PITPNC1: variants seen among roughly 807,000 people sequenced by gnomAD.
The protein encoded by PITPNC1 is cytoplasmic phosphatidylinositol transfer protein 1.
Under a neutral mutation model 44.7 loss-of-function variants are expected in PITPNC1, and 18 were observed. The ratio of observed to expected loss-of-function variants is 0.40; its 90% CI spans 0.28 to 0.60. The LOEUF (loss-of-function observed/expected upper bound fraction) is 0.60. Among genes scored for constraint, PITPNC1 ranks in the 20% least tolerant of loss-of-function variants. The probability of loss-of-function intolerance (pLI) is 0.39; values close to 1 mark genes in which losing one functional copy is unlikely to be tolerated. For synonymous variants in PITPNC1, 141 were observed against 149.6 expected (o/e 0.94, Z 0.42); for missense variants, 290 against 418.4 (o/e 0.69, Z 2.68).
chr17:67,527,500 C>T (rs989732427), intron 1 of PITPNC1, among the ~76,000 whole-genome samples: 9 of 151,558 alleles, frequency 5.9e-5, no homozygotes, highest in African/African-American at 2.2e-4. Flanking sequence ...GTCAGGAGTT[C>T]GAGACCAGCC....
chr17:67,490,112 CTGTGTGTGTGTGTGTGTGTGTG>C lies in PITPNC1; in HGVS notation c.49-42662_49-42641del, dbSNP rs71354073. 3.0e-3 allele frequency among the ~76,000 whole-genome samples: 431 copies of C among 144,974 alleles called. 1 individual carries two copies. The highest frequency in any genetic ancestry group is 5.0e-3 in the Non-Finnish European group (330 of 66,368). On this transcript the variant is annotated intron_variant, in intron 1 of 8. Coordinates refer to ENST00000581322, the MANE Select transcript of PITPNC1 (RefSeq NM_012417.4). ...TTTAAAGATTTGGAAACAGGCTTTT[CTGTGTGTGTGTGTGTGTGTGTG>C]TGTGTGTGTGTGTGTGTGTGTGTGT...
chr17:67,521,954 G>C (rs1489255193), intron 1 of PITPNC1, among the ~76,000 whole-genome samples: 1 of 152,134 alleles, frequency 6.6e-6, no homozygotes, highest in African/African-American at 2.4e-5. Context: ...CACGCAGTCA[G>C]TACCTCGTTG....
At chr17:67,425,215 A>AGGG (rs1567984805) in intron 1 of PITPNC1, among the ~76,000 whole-genome samples, 7 of 49,468 alleles carry the variant, frequency 1.4e-4, no homozygotes, top group Non-Finnish European at 2.9e-4. Context: ...ACACACACAC[A>AGGG]CACACACACA....
chr17:67,415,282 A>G (rs1458208878), intron 1 of PITPNC1, among the ~76,000 whole-genome samples: 2 of 152,204 alleles, frequency 1.3e-5, no homozygotes, highest in African/African-American at 4.8e-5. Flanking sequence ...ATTACCAGGA[A>G]AGGTTTTTCT....
intron 1 of PITPNC1, among the ~76,000 whole-genome samples, chr17:67,488,944 A>T (rs2039822686): frequency 6.6e-6 from 1 of 152,210 alleles, no homozygotes; most frequent in Admixed American, 6.5e-5. Flanking sequence ...TCAGGAGTGA[A>T]TAATATTCCA....
chr17:67,456,392 T>A (rs961000133), intron 1 of PITPNC1, among the ~76,000 whole-genome samples: 3 of 152,224 alleles, frequency 2.0e-5, no homozygotes, highest in Non-Finnish European at 4.4e-5. Flanking sequence ...ACCTGTTTTT[T>A]AACCAGCTAT....
At chr17:67,433,555 A>T (rs909153896) in intron 1 of PITPNC1, among the ~76,000 whole-genome samples, 7 of 152,116 alleles carry the variant, frequency 4.6e-5, no homozygotes, top group Non-Finnish European at 7.4e-5. Flanking sequence ...CCTGGGCAAC[A>T]TAGGGAGAGT....
chr17:67,566,415 G>C (rs1159001191), intron 4 of PITPNC1, among the ~76,000 whole-genome samples: 1 of 152,160 alleles, frequency 6.6e-6, no homozygotes, highest in East Asian at 1.9e-4. Flanking sequence ...TGTTGGCCAG[G>C]CTGGTCACAA....
rs79432840 is a variant in PITPNC1, at chr17:67,658,802, A to G, written c.463-10706A>G. Among the ~76,000 whole-genome samples the G allele has an allele frequency of 5.5e-3, 837 of 151,084 alleles. 8 individuals are homozygous for G. Among genetic ancestry groups the G allele is most frequent in the African/African-American group, 0.019 (795 of 41,126 alleles). ...CTATCCTTTACTTACTCAGTTGCTT[A>G]CCCAAGCAGGAAGACCTCCACTTAG... On this transcript the variant is annotated intron_variant, in intron 6 of 8. Transcript: ENST00000581322.
intron 5 of PITPNC1, among the ~76,000 whole-genome samples, chr17:67,581,418 C>T (rs1410093130): frequency 2.6e-5 from 4 of 152,234 alleles, no homozygotes; most frequent in African/African-American, 9.6e-5. Flanking sequence ...CTCCCTCTCC[C>T]CAGAATGTGG....
At position 67,565,939 on chromosome 17, in the gene PITPNC1, A is replaced by G. The variant is rs1173317642; in HGVS notation, c.295-12247A>G. ...TCGTTTTCCATGTTTTTCGATGTGT[A>G]TACTAGTTTTTCCATGTATTTCAGT... On this transcript the variant is annotated intron_variant, in intron 4 of 8. Transcript: ENST00000581322. Among the ~76,000 whole-genome samples, 13 of 150,490 alleles carry G rather than the reference A, an allele frequency of 8.6e-5. No individual in the cohort carries two copies. In the East Asian group the frequency reaches 2.6e-3, roughly 30 times the overall value.
At chr17:67,400,593 G>A (rs1037912980) in intron 1 of PITPNC1, among the ~76,000 whole-genome samples, 3 of 152,012 alleles carry the variant, frequency 2.0e-5, no homozygotes, top group African/African-American at 7.2e-5. Flanking sequence ...CTGATTTCCT[G>A]TAGTAACACA....
At chr17:67,585,136 AC>A (rs777381303) in intron 5 of PITPNC1, among the ~76,000 whole-genome samples, 67 of 148,018 alleles carry the variant, frequency 4.5e-4, no homozygotes, top group Non-Finnish European at 6.9e-4. Flanking sequence ...AAAAAAAAAA[AC>A]CAGACAAACC....
chr17:67,510,547 C>T (rs967965243), intron 1 of PITPNC1, among the ~76,000 whole-genome samples: 2 of 152,230 alleles, frequency 1.3e-5, no homozygotes, highest in Admixed American at 1.3e-4. Context: ...GCGCCCTTGA[C>T]CGCCTCGGCC....
chr17:67,472,820 C>T (rs9902184), intron 1 of PITPNC1, among the ~76,000 whole-genome samples: 3 of 151,660 alleles, frequency 2.0e-5, no homozygotes, highest in Non-Finnish European at 4.4e-5. Flanking sequence ...CTGCCTCCTA[C>T]AGGGAGGGGT....
intron 5 of PITPNC1, among the ~76,000 whole-genome samples, chr17:67,607,832 G>T (rs994895623): frequency 6.6e-6 from 1 of 151,298 alleles, no homozygotes; most frequent in African/African-American, 2.4e-5. Context: ...GGGTTCAAGC[G>T]ATTCTCCTGC....
At chr17:67,617,671 T>C (rs1182180623) in intron 5 of PITPNC1, among the ~76,000 whole-genome samples, 1 of 152,182 alleles carries the variant, frequency 6.6e-6, no homozygotes. Flanking sequence ...GATCCCTCCT[T>C]GCCTCTTCCA....
At chr17:67,485,370 ATTTTTTT>A (rs56863875) in intron 1 of PITPNC1, among the ~76,000 whole-genome samples, 11 of 122,178 alleles carry the variant, frequency 9.0e-5, no homozygotes, top group Admixed American at 4.1e-4. Flanking sequence ...TAGTTGGGTG[ATTTTTTT>A]TTTTTTTTTT....
intron 1 of PITPNC1, among the ~76,000 whole-genome samples, chr17:67,499,698 A>G (rs978153391): frequency 6.6e-6 from 1 of 152,164 alleles, no homozygotes; most frequent in African/African-American, 2.4e-5. Context: ...TTTTTACTGT[A>G]CCTTTTCTGT....
Sources: gnomAD v4.1 joint callset for allele counts (sites outside exome capture counted in the v4.1 genomes callset) on GRCh38, gnomAD v4.1.1 for gene constraint, MANE v1.5 for transcripts, NCBI Gene and HGNC (gene_info 2026-07-23, HGNC 2026-07-21) for gene names.